The following VWC2L variants were observed in gnomAD, a reference collection of about 807,000 sequenced individuals.
VWC2L encodes von Willebrand factor C domain containing 2 like, also known as von Willebrand factor C domain-containing protein 2-like.
VWC2L carries 10 observed loss-of-function variants against 21.6 expected under a neutral mutation model. The ratio of observed to expected loss-of-function variants is 0.46; its 90% confidence interval spans 0.29 to 0.78. The LOEUF is 0.78. Among genes scored for constraint, VWC2L ranks in the 30% least tolerant of loss-of-function variants. VWC2L has a pLI of 0.10. For missense variants in VWC2L, 209 were observed against 277.1 expected (o/e 0.75, Z 1.74); for synonymous variants, 96 against 94.3 (o/e 1.02, Z -0.10).
intron 3 of VWC2L, among the ~76,000 whole-genome samples, chr2:214,488,596 T>G (rs1341699154): frequency 2.6e-5 from 4 of 152,130 alleles, no homozygotes; most frequent in Admixed American, 2.0e-4. Context: ...AGATCCAGTC[T>G]CAAAAAACAA....
chr2:214,422,242 C>A (rs1253720782), intron 2 of VWC2L, among the ~76,000 whole-genome samples: 6 of 152,014 alleles, frequency 3.9e-5, no homozygotes. Flanking sequence ...GCAAATTTTG[C>A]AGATTAATTT....
At chr2:214,563,810 A>G (rs555920570) in intron 3 of VWC2L, among the ~76,000 whole-genome samples, 1 of 152,282 alleles carries the variant, frequency 6.6e-6, no homozygotes, top group South Asian at 2.1e-4. Flanking sequence ...CACCACTCCT[A>G]TTTAAGATAG....
At chr2:214,535,458 T>G (rs1689510841) in intron 3 of VWC2L, among the ~76,000 whole-genome samples, 1 of 151,996 alleles carries the variant, frequency 6.6e-6, no homozygotes, top group Non-Finnish European at 1.5e-5. Flanking sequence ...AAAAAGTTCT[T>G]ATATCCACAT....
intron 3 of VWC2L, among the ~76,000 whole-genome samples, chr2:214,491,350 G>A (rs958983168): frequency 6.6e-6 from 1 of 152,144 alleles, no homozygotes; most frequent in African/African-American, 2.4e-5. Context: ...TCATGCGTCT[G>A]ATTGAATGAG....
chr2:214,545,548 G>A (rs989153882), intron 3 of VWC2L, among the ~76,000 whole-genome samples: 6 of 152,240 alleles, frequency 3.9e-5, no homozygotes, highest in Middle Eastern at 3.4e-3. Context: ...CATCTTATGT[G>A]ATTCAAAATA....
chr2:214,497,049 C>G (rs1178719017), intron 3 of VWC2L, among the ~76,000 whole-genome samples: 1 of 152,140 alleles, frequency 6.6e-6, no homozygotes, highest in East Asian at 1.9e-4. Context: ...AGGTGAGATG[C>G]AGATTTCCAA....
chr2:214,492,541 C>T (rs534400599), intron 3 of VWC2L, among the ~76,000 whole-genome samples: 2 of 151,990 alleles, frequency 1.3e-5, no homozygotes, highest in Non-Finnish European at 2.9e-5. Flanking sequence ...GAGATGACAA[C>T]CAAAGAAGAA....
At chr2:214,433,159 GATATAT>G (rs5838434) in intron 2 of VWC2L, among the ~76,000 whole-genome samples, 18,716 of 132,920 alleles carry the variant, frequency 0.14, 1,633 homozygotes, top group Non-Finnish European at 0.17. Flanking sequence ...CAAGCCACCT[GATATAT>G]ATATATATAT....
At chr2:214,530,984 T>A (rs13414874) in intron 3 of VWC2L, among the ~76,000 whole-genome samples, 9,526 of 152,186 alleles carry the variant, frequency 0.063, 679 homozygotes, top group African/African-American at 0.18. Context: ...TGGGGGTGGT[T>A]TAATATTGCC....
At chr2:214,571,048 A>G (rs892103811) in intron 3 of VWC2L, among the ~76,000 whole-genome samples, 1 of 152,218 alleles carries the variant, frequency 6.6e-6, no homozygotes, top group African/African-American at 2.4e-5. Flanking sequence ...AGACTATATA[A>G]ATACACAATA....
intron 2 of VWC2L, among the ~76,000 whole-genome samples, chr2:214,432,478 G>A (rs1323297392): frequency 1.3e-5 from 2 of 152,172 alleles, no homozygotes; most frequent in African/African-American, 4.8e-5. Context: ...CCTAGATGAT[G>A]AGACTTCAGG....
chr2:214,490,284 C>T (rs963090826), intron 3 of VWC2L, among the ~76,000 whole-genome samples: 1 of 152,044 alleles, frequency 6.6e-6, no homozygotes, highest in Admixed American at 6.6e-5. Flanking sequence ...CTACTAGCCC[C>T]AAGTGCTTTA....
intron 3 of VWC2L, among the ~76,000 whole-genome samples, chr2:214,532,297 G>A (rs1366498891): frequency 6.6e-6 from 1 of 152,254 alleles, no homozygotes; most frequent in East Asian, 1.9e-4. Flanking sequence ...GATTCCAGAT[G>A]TAAAAGCTGG....
At chr2:214,444,840 TTATATAAAAAGATAAAAA>T (rs1353052225) in intron 3 of VWC2L, among the ~76,000 whole-genome samples, 1 of 151,942 alleles carries the variant, frequency 6.6e-6, no homozygotes, top group African/African-American at 2.4e-5. Context: ...ACCTTACCGA[TTATATAAAAAGATAAAAA>T]TAAATTTAAG....
intron 3 of VWC2L, among the ~76,000 whole-genome samples, chr2:214,487,304 A>G (rs1449141311): frequency 6.6e-6 from 1 of 152,210 alleles, no homozygotes; most frequent in Non-Finnish European, 1.5e-5. Flanking sequence ...ATCAGCAAGC[A>G]TGGGCTTGAA....
In VWC2L at chr2:214,473,358, T is replaced by G. The variant is rs548486500; in HGVS notation, c.520+36600T>G. Among the ~76,000 whole-genome samples the G allele has an allele frequency of 7.9e-5, 12 of 152,200 alleles. 1 individual carries two copies. The highest frequency in any genetic ancestry group is 1.5e-4 in the Non-Finnish European group (10 of 68,030). ...TCAGTGGTTGAAGGCAATAGTAGTT[T>G]ATTATTGCTCATATAAAGGCCTAAA... On this transcript the variant is annotated intron_variant, in intron 3 of 3. Transcript: ENST00000312504.
At chr2:214,491,623 C>T (rs1688746663) in intron 3 of VWC2L, among the ~76,000 whole-genome samples, 1 of 152,100 alleles carries the variant, frequency 6.6e-6, no homozygotes, top group African/African-American at 2.4e-5. Context: ...AGTAACTTCC[C>T]CAGAATCAGA....
At chr2:214,531,518 A>T (rs562950448) in intron 3 of VWC2L, among the ~76,000 whole-genome samples, 1 of 152,158 alleles carries the variant, frequency 6.6e-6, no homozygotes, top group East Asian at 1.9e-4. Context: ...TCTATTCTAC[A>T]GGTAATCAAC....
chr2:214,475,146 T>C (rs1170146559), intron 3 of VWC2L, among the ~76,000 whole-genome samples: 1 of 152,134 alleles, frequency 6.6e-6, no homozygotes, highest in East Asian at 1.9e-4. Context: ...TAAAAGAAAT[T>C]CTTTGTTGTA....
Sources: allele counts gnomAD v4.1 joint callset (sites outside exome capture counted in the v4.1 genomes callset), GRCh38; gene constraint gnomAD v4.1.1; transcripts MANE v1.5; gene names NCBI Gene and HGNC (gene_info 2026-07-23, HGNC 2026-07-21).